The following MORN1 variants were observed in gnomAD, a reference collection of about 807,000 sequenced individuals.
MORN1 encodes the protein MORN repeat containing 1.
A neutral mutation model predicts 61.9 loss-of-function variants in MORN1; 67 were observed. The observed-to-expected ratio is 1.08, with a 90% CI of 0.89 to 1.33. MORN1 has a LOEUF of 1.33. MORN1 is among the 40% of genes most tolerant of loss of function. MORN1 has a pLI of 0.00. For missense variants in MORN1, 752 were observed against 691.2 expected (o/e 1.09, Z -0.99); for synonymous variants, 301 against 292.0 (o/e 1.03, Z -0.31).
intron 6 of MORN1, chr1:2,378,878 C>T (rs1642306915): frequency 4.4e-6 from 2 of 453,258 alleles, no homozygotes; most frequent in Non-Finnish European, 8.8e-6. Flanking sequence ...CCCAGGACCT[C>T]TGTGGCTTCC....
chr1:2,326,167 T>G (rs916209238), intron 12 of MORN1: 1 of 152,144 alleles, frequency 6.6e-6, no homozygotes, highest in African/African-American at 2.4e-5. Flanking sequence ...TCGACAAACT[T>G]AAATCCTACA....
chr1:2,356,240 G>C (rs2100301520), intron 10 of MORN1, among the ~76,000 whole-genome samples: 1 of 152,338 alleles, frequency 6.6e-6, no homozygotes. Context: ...GGGCTGGGCA[G>C]GGACATGGCA....
chr1:2,336,732 C>T lies in MORN1; in HGVS notation c.1155G>A (p.Leu385=). 6.3e-7 allele frequency: 1 copy of T among 1,582,492 alleles called. No individual in the cohort carries two copies. The highest frequency in any genetic ancestry group is 8.6e-7 in the Non-Finnish European group (1 of 1,164,954). Reference sequence around the variant, plus strand: ...GGGCACCCACCTTGTGGAGGCTGTCCAGGAACAGGAAGGGGTGGTACCCAG... The same window carrying T: ...GGGCACCCACCTTGTGGAGGCTGTCTAGGAACAGGAAGGGGTGGTACCCAG... ...PPPGYHPFLF[L]DSLHKKAGGR... The change falls in exon 11 of 14, where the codon CTG becomes CTA. Residue 385 remains leucine (L), a synonymous_variant. Transcript: ENST00000378531.
chr1:2,346,687 G>T (rs1242736456), intron 10 of MORN1, among the ~76,000 whole-genome samples: 2 of 152,178 alleles, frequency 1.3e-5, no homozygotes, highest in Admixed American at 1.3e-4. Flanking sequence ...CGCCCACCCT[G>T]AGATAAATTT....
At chr1:2,345,556 G>A (rs760146312) in intron 10 of MORN1, among the ~76,000 whole-genome samples, 17 of 152,210 alleles carry the variant, frequency 1.1e-4, no homozygotes, top group Non-Finnish European at 2.2e-4. Flanking sequence ...CCCAGCACCT[G>A]CCCCTCGCCA....
intron 2 of MORN1, among the ~76,000 whole-genome samples, chr1:2,388,731 T>C (rs139452988): frequency 7.1e-6 from 1 of 140,630 alleles, no homozygotes; most frequent in African/African-American, 2.7e-5. Context: ...AGAGCCATGA[T>C]TGCATCACTG....
rs757496437 is a variant in MORN1 at position 2,389,965 on chromosome 1, G to A, written c.108C>T (p.Phe36=). Residue 36 remains phenylalanine, a synonymous_variant, in exon 2 of 14, where the codon TTC becomes TTT. Coordinates refer to ENST00000378531, the MANE Select transcript of MORN1 (RefSeq NM_024848.3). ...GYGVYVYPNS[F]FRYEGEWKAG... is the part of the protein sequence containing the mutation. ...CTTTCCATTCTCCTTCATATCGAAA[G>A]AAGGAATTTGGGTATACGTAGACAC... The A allele has an allele frequency of 3.1e-6, 5 of 1,614,142 alleles. No individual in the cohort carries two copies. In the East Asian group the frequency reaches 6.7e-5, roughly 22 times the overall value.
At chr1:2,390,780 G>A in intron 1 of MORN1, 1 of 976,530 alleles carries the variant, frequency 1.0e-6, no homozygotes. Context: ...ACTGAGTCTT[G>A]CTCTGTCGCC....
intron 6 of MORN1, among the ~76,000 whole-genome samples, chr1:2,380,892 TAATGACACCACAAGCAACGGCTGTC>T (rs1209951429): frequency 2.0e-5 from 3 of 152,164 alleles, no homozygotes; most frequent in African/African-American, 7.2e-5. Context: ...AATATTTGAC[TAATGACACCACAAGCAACGGCTGTC>T]CCCTCACTCT....
chr1:2,378,390 G>A (rs1354879336), intron 6 of MORN1: 1 of 157,958 alleles, frequency 6.3e-6, no homozygotes, highest in East Asian at 1.9e-4. Flanking sequence ...AGGCTTCCTG[G>A]ACTGTGACCC....
intron 13 of MORN1, chr1:2,323,044 G>A (rs1640918822): frequency 1.0e-6 from 1 of 985,328 alleles, no homozygotes; most frequent in Non-Finnish European, 1.2e-6. Flanking sequence ...TCTCCGCCGA[G>A]CACATAAACC....
intron 6 of MORN1, chr1:2,378,134 G>GC (rs1415136767): frequency 1.3e-5 from 2 of 152,384 alleles, no homozygotes; most frequent in African/African-American, 2.4e-5. Flanking sequence ...TGGTCCCATC[G>GC]CAAGTGCCTG....
chr1:2,365,105 T>C (rs1641971283), intron 8 of MORN1, among the ~76,000 whole-genome samples: 3 of 151,650 alleles, frequency 2.0e-5, no homozygotes, highest in Non-Finnish European at 4.4e-5. Context: ...AAGAAAGTCA[T>C]TGGTAGCTTG....
At chr1:2,352,226 C>T (rs1641666181) in intron 10 of MORN1, 3 of 207,470 alleles carry the variant, frequency 1.4e-5, no homozygotes, top group Non-Finnish European at 2.9e-5. Context: ...TTCTCCTTGC[C>T]ACTTATGCTT....
intron 10 of MORN1, among the ~76,000 whole-genome samples, chr1:2,339,931 G>T (rs939776187): frequency 1.3e-5 from 2 of 152,256 alleles, no homozygotes; most frequent in Admixed American, 1.3e-4. Context: ...GAATCCCTCG[G>T]CCGCTCCTGC....
At chr1:2,341,692 G>GA (rs68071614) in intron 10 of MORN1, among the ~76,000 whole-genome samples, 2,214 of 133,744 alleles carry the variant, frequency 0.017, 44 homozygotes, top group African/African-American at 0.054. Flanking sequence ...TCCGTCTCAA[G>GA]AAAAAAAAAA....
chr1:2,336,331 G>A, intron 12 of MORN1, 138 bp downstream of exon 12: 1 of 798,374 alleles, frequency 1.3e-6, no homozygotes, highest in Non-Finnish European at 1.9e-6. Context: ...GCTCTCTGGA[G>A]CGAGGCCCGT....
chr1:2,348,900 C>A (rs1356622511), intron 10 of MORN1, among the ~76,000 whole-genome samples: 1 of 152,226 alleles, frequency 6.6e-6, no homozygotes, highest in Non-Finnish European at 1.5e-5. Flanking sequence ...CAGACATGCA[C>A]ACAAACGCAC....
Position 2,391,496 on chromosome 1 carries a change from C to T in MORN1, c.38G>A (p.Gly13Glu). Residue 13 changes from glycine (G) to glutamate (E), a missense_variant, in exon 1 of 14, where the codon GGG becomes GAG. Physicochemically the swap from Gly to Glu is moderately conservative, Grantham distance 98. Transcript: ENST00000378531. The part of the protein sequence containing the change: ...AAGEGTPSSR[G>E]PRRDPPRRPP... The stretch of plus-strand genomic sequence containing the variant: ...CCGCCTAGGCGGGTCCCGACGCGGC[C>T]CGCGGGAGCTCGGGGTGCCCTCGCC... 1 of 1,252,056 alleles carries T rather than the reference C, an allele frequency of 8.0e-7. No individual in the cohort carries two copies. The highest frequency in any genetic ancestry group is 1.0e-6 in the Non-Finnish European group (1 of 992,198). 77.6% of individuals were successfully genotyped at this position (1,252,056 alleles called of 1,614,324 possible). A position where few individuals can be genotyped will look rare whatever the true frequency, so the allele number is the denominator to read the frequency against.
Sources: allele counts gnomAD v4.1 joint callset (sites outside exome capture counted in the v4.1 genomes callset), GRCh38; gene constraint gnomAD v4.1.1; transcripts MANE v1.5; gene names NCBI Gene and HGNC (gene_info 2026-07-23, HGNC 2026-07-21).